Variants in CCDC171 observed in about 807,000 individuals in gnomAD.
The protein encoded by CCDC171 is coiled-coil domain-containing protein 171.
A neutral mutation model predicts 168.2 loss-of-function variants in CCDC171; 177 were observed. That is an observed-to-expected ratio of 1.05 (90% CI 0.93 to 1.19). The LOEUF is 1.19. Ranked by LOEUF, CCDC171 falls within the 50% of genes most tolerant of loss-of-function variation. CCDC171 has a pLI of 0.00. For synonymous variants in CCDC171, 687 were observed against 540.8 expected, an observed-to-expected ratio of 1.27 and a Z score of -3.75; for missense variants, 1,991 against 1,539.0, an observed-to-expected ratio of 1.29 and a Z score of -4.91.
chr9:15,921,975 T>A (rs1825387601), intron 25 of CCDC171: 1 of 165,384 alleles, frequency 6.0e-6, no homozygotes, highest in Non-Finnish European at 1.3e-5. Context: ...AAGGTGAGAT[T>A]GTTTCTCCGT....
chr9:15,991,881 A>C (rs1832211957), intron 3 of CCDC171, among the ~76,000 whole-genome samples: 1 of 152,218 alleles, frequency 6.6e-6, no homozygotes, highest in African/African-American at 2.4e-5. Flanking sequence ...TAAATCAGGG[A>C]GAAGTTGAAT....
chr9:15,948,062 G>T (rs557238937), intron 25 of CCDC171, among the ~76,000 whole-genome samples: 1 of 150,748 alleles, frequency 6.6e-6, no homozygotes, highest in East Asian at 2.0e-4. Context: ...ACCTATGAGT[G>T]AGAATATGTG....
intron 18 of CCDC171, among the ~76,000 whole-genome samples, chr9:15,765,480 T>C (rs1383552720): frequency 6.6e-6 from 1 of 152,126 alleles, no homozygotes; most frequent in East Asian, 1.9e-4. Context: ...GCACAAACAG[T>C]TCAGGCATTG....
chr9:16,072,342 C>T, the CCDC171 span, among the ~76,000 whole-genome samples: 1 of 152,190 alleles, frequency 6.6e-6, no homozygotes, highest in Non-Finnish European at 1.5e-5. Flanking sequence ...CTCCTGGTCT[C>T]TCCTTTATTC....
At chr9:15,698,029 A>G (rs950492908) in intron 11 of CCDC171, among the ~76,000 whole-genome samples, 28 of 150,844 alleles carry the variant, frequency 1.9e-4, no homozygotes, top group African/African-American at 4.6e-4. Context: ...TCTTCTGGCT[A>G]TTTTGAAATA....
chr9:15,859,282 A>C (rs935415626), intron 23 of CCDC171, among the ~76,000 whole-genome samples: 2 of 151,884 alleles, frequency 1.3e-5, no homozygotes, highest in Non-Finnish European at 2.9e-5. Context: ...TTTTGAATTC[A>C]GTTGCTAATA....
At chr9:15,966,235 C>G (rs1421795048) in intron 25 of CCDC171, among the ~76,000 whole-genome samples, 3 of 152,180 alleles carry the variant, frequency 2.0e-5, no homozygotes, top group African/African-American at 7.2e-5. Context: ...CCAGAAAAGC[C>G]TTATGAAAGA....
chr9:15,578,797 G>A (rs1315823513), intron 3 of CCDC171, 52 bp from the exon 4 acceptor site: 2 of 1,443,262 alleles, frequency 1.4e-6, no homozygotes, highest in African/African-American at 1.4e-5. Flanking sequence ...ATGTTTGAGT[G>A]TATGATCTCA....
At chr9:16,000,931 T>C (rs1159319706) in intron 3 of CCDC171, among the ~76,000 whole-genome samples, 1 of 151,522 alleles carries the variant, frequency 6.6e-6, no homozygotes, top group Non-Finnish European at 1.5e-5. Flanking sequence ...TGGAGTGGAG[T>C]GGGAAGGGAG....
intron 7 of CCDC171, 50 bp from the exon 8 acceptor site, chr9:15,657,077 C>G: frequency 9.3e-7 from 1 of 1,073,618 alleles, no homozygotes; most frequent in Non-Finnish European, 1.4e-6. Flanking sequence ...TGATCCATAT[C>G]TTCTTTAAAT....
At chr9:15,835,800 A>G (rs1210279058) in intron 21 of CCDC171, among the ~76,000 whole-genome samples, 1 of 152,186 alleles carries the variant, frequency 6.6e-6, no homozygotes, top group African/African-American at 2.4e-5. Flanking sequence ...ACAAGAAATA[A>G]GTGTTGTCAT....
intron 25 of CCDC171, among the ~76,000 whole-genome samples, chr9:15,944,596 AAC>A (rs1245557700): frequency 6.6e-6 from 1 of 152,030 alleles, no homozygotes; most frequent in Non-Finnish European, 1.5e-5. Context: ...CAAATATTTG[AAC>A]ACAGGCAGTT....
At chr9:15,956,216 C>G (rs537379573) in intron 25 of CCDC171, among the ~76,000 whole-genome samples, 2 of 152,320 alleles carry the variant, frequency 1.3e-5, no homozygotes, top group East Asian at 3.9e-4. Flanking sequence ...AGCATCTTCT[C>G]ACATTCACAG....
chr9:16,058,966 G>A (rs1887674), intron 1 of CCDC171, among the ~76,000 whole-genome samples: 1,536 of 152,322 alleles, frequency 0.01, 18 homozygotes, highest in African/African-American at 0.035. Context: ...CAGGCATGCT[G>A]TGGGTTTTCC....
chr9:15,896,314 C>G (rs1002580612), intron 24 of CCDC171, among the ~76,000 whole-genome samples: 2 of 151,964 alleles, frequency 1.3e-5, no homozygotes, highest in African/African-American at 4.8e-5. Flanking sequence ...AAGAAAACAT[C>G]ATTTAAAAAA....
At chr9:15,773,128 C>T (rs558101471) in intron 18 of CCDC171, among the ~76,000 whole-genome samples, 4 of 152,184 alleles carry the variant, frequency 2.6e-5, no homozygotes, top group African/African-American at 7.2e-5. Context: ...AGTATGAGGA[C>T]TTCATTTTAA....
At chr9:16,024,511 A>G (rs1477790026) in intron 6 of CCDC171, among the ~76,000 whole-genome samples, 4 of 152,208 alleles carry the variant, frequency 2.6e-5, no homozygotes, top group African/African-American at 9.7e-5. Context: ...GGCATAGAAG[A>G]ACCCCTCATA....
chr9:15,801,173 A>G (rs928620443), intron 21 of CCDC171, among the ~76,000 whole-genome samples: 1 of 151,348 alleles, frequency 6.6e-6, no homozygotes, highest in African/African-American at 2.4e-5. Flanking sequence ...TTTTATAGGG[A>G]TTGCATTGAA....
Position 16,029,093 on chromosome 9 carries a change from G to A in CCDC171, n.998+6185G>A, listed in dbSNP as rs114141135. Among the ~76,000 whole-genome samples the A allele has an allele frequency of 1.4e-3, 219 of 152,142 alleles. 1 individual carries two copies. The highest frequency in any genetic ancestry group is 4.9e-3 in the African/African-American group (204 of 41,510). ...AATGGAAGACGGCAGGCGCTGGGTC[G>A]AGAAAGTTTAAGATTTTTAGACGTG... On this transcript the variant is annotated intron_variant and non_coding_transcript_variant, in intron 6 of 9. Coordinates refer to the CCDC171 transcript ENST00000486641.
Sources: allele counts gnomAD v4.1 joint callset (sites outside exome capture counted in the v4.1 genomes callset), GRCh38; gene constraint gnomAD v4.1.1; transcripts MANE v1.5; gene names NCBI Gene and HGNC (gene_info 2026-07-23, HGNC 2026-07-21).